UGT1A10: variants seen among roughly 807,000 people sequenced by gnomAD.
The protein encoded by UGT1A10 is UDP-glucuronosyltransferase 1A10.
In UGT1A10, 49 loss-of-function variants were observed where a neutral mutation model predicts 45.8. The observed-to-expected ratio is 1.07, with a 90% CI of 0.85 to 1.36. The LOEUF is 1.36. UGT1A10 is among the 40% of genes most tolerant of loss of function. UGT1A10 has a pLI of 0.00. For missense variants in UGT1A10, 745 were observed against 668.6 expected, an observed-to-expected ratio of 1.11 and a Z score of -1.26; for synonymous variants, 284 against 249.7, an observed-to-expected ratio of 1.14 and a Z score of -1.29.
intron 1 of UGT1A10, among the ~76,000 whole-genome samples, chr2:233,759,447 C>G (rs1697141448): frequency 1.3e-5 from 2 of 152,254 alleles, no homozygotes; most frequent in Non-Finnish European, 2.9e-5. Context: ...TAAATCCAGG[C>G]CCAGTTAGCC....
intron 1 of UGT1A10, among the ~76,000 whole-genome samples, chr2:233,644,041 C>G (rs1163030976): frequency 6.6e-6 from 1 of 152,162 alleles, no homozygotes; most frequent in Non-Finnish European, 1.5e-5. Context: ...TCGGTACTCC[C>G]TTGGCTGCTT....
At chr2:233,718,193 G>A (rs1200369383) in intron 1 of UGT1A10, among the ~76,000 whole-genome samples, 4 of 152,124 alleles carry the variant, frequency 2.6e-5, no homozygotes, top group Admixed American at 1.3e-4. Context: ...CAGCCTCCCC[G>A]GAGCTTTTTT....
intron 1 of UGT1A10, among the ~76,000 whole-genome samples, chr2:233,744,706 AC>A (rs1231946729): frequency 1.3e-5 from 2 of 151,886 alleles, no homozygotes; most frequent in Non-Finnish European, 2.9e-5. Context: ...TCCACTGTAC[AC>A]TTGTGAGAGA....
chr2:233,757,560 A>ATATATATATATATATGTG, intron 1 of UGT1A10, among the ~76,000 whole-genome samples: 1 of 123,156 alleles, frequency 8.1e-6, no homozygotes, highest in African/African-American at 3.4e-5. Flanking sequence ...ATATATATAT[A>ATATATATATATATATGTG]TGTATATATG....
intron 1 of UGT1A10, chr2:233,689,899 G>A (rs1300313020): frequency 2.2e-6 from 1 of 456,498 alleles, no homozygotes; most frequent in South Asian, 1.5e-5. Context: ...TATTTCTCAG[G>A]GCCAGGTAGG....
chr2:233,713,041 T>C (rs2076272665), intron 1 of UGT1A10: 1 of 1,614,036 alleles, frequency 6.2e-7, no homozygotes, highest in South Asian at 1.1e-5. Flanking sequence ...ACAGGACTGC[T>C]GCTTCTCCTC....
chr2:233,637,507 T>C, intron 1 of UGT1A10, 130 bp downstream of exon 1: 1 of 1,483,274 alleles, frequency 6.7e-7, no homozygotes, highest in Non-Finnish European at 8.9e-7. Context: ...TAACAAATTA[T>C]TTTGTGCGAA....
In UGT1A10 at chr2:233,769,736, T is replaced by C. The variant is rs1415322181; in HGVS notation, c.1295+1297T>C. 6.9e-6 allele frequency: 10 copies of C among 1,453,324 alleles called. No individual in the cohort carries two copies. Among genetic ancestry groups the C allele is most frequent in the Non-Finnish European group, 9.1e-6 (10 of 1,101,886 alleles). The allele number at this position is 1,453,324 out of a possible 1,614,324, so 90.0% of individuals were successfully genotyped here. A position where few individuals can be genotyped will look rare whatever the true frequency, so the allele number is the denominator to read the frequency against. The stretch of plus-strand genomic sequence containing the variant: ...TAGGCACCATGGCACACGCCTGTAG[T>C]CCCAGCCACTCTGGAGGCTAAGGCG... On this transcript the variant is annotated intron_variant, in intron 4 of 4. Coordinates refer to ENST00000344644, the MANE Select transcript of UGT1A10 (RefSeq NM_019075.4). The surrounding 1 kb of genome is among the most constrained non-coding windows in gnomAD (Gnocchi z 4.4).
At chr2:233,693,070 C>A (rs1288884840) in intron 1 of UGT1A10, 3 of 1,614,008 alleles carry the variant, frequency 1.9e-6, no homozygotes, top group Non-Finnish European at 2.5e-6. Context: ...CACTTTGGGG[C>A]ATGGTTGTAG....
At chr2:233,706,566 G>A (rs1311668869) in intron 1 of UGT1A10, among the ~76,000 whole-genome samples, 1 of 152,154 alleles carries the variant, frequency 6.6e-6, no homozygotes, top group African/African-American at 2.4e-5. Flanking sequence ...TCAAACCTTA[G>A]GGTAAGAGTG....
At chr2:233,693,316 C>T in intron 1 of UGT1A10, 2 of 1,614,156 alleles carry the variant, frequency 1.2e-6, no homozygotes, top group Non-Finnish European at 1.7e-6. Context: ...AGCGATCATT[C>T]CTAACTGCTC....
chr2:233,754,801 A>T, intron 1 of UGT1A10: 1 of 1,269,324 alleles, frequency 7.9e-7, no homozygotes, highest in Non-Finnish European at 1.1e-6. Flanking sequence ...CCTGTATCAA[A>T]AGAAGAAAAA....
At chr2:233,690,764 C>T in intron 1 of UGT1A10, 1 of 1,095,494 alleles carries the variant, frequency 9.1e-7, no homozygotes, top group Non-Finnish European at 1.1e-6. Flanking sequence ...CAGACATACA[C>T]ACACACACAC....
At chr2:233,729,142 C>T (rs757429126) in intron 1 of UGT1A10, 2 of 1,613,410 alleles carry the variant, frequency 1.2e-6, no homozygotes, top group Non-Finnish European at 1.7e-6. Context: ...CACAGGACTC[C>T]AGGTTCCCCT....
At chr2:233,712,664 G>GT (rs2076247267) in intron 1 of UGT1A10, among the ~76,000 whole-genome samples, 1 of 152,174 alleles carries the variant, frequency 6.6e-6, no homozygotes, top group African/African-American at 2.4e-5. Flanking sequence ...TAAGAGAGAA[G>GT]TAGGAGACAG....
At chr2:233,753,038 T>C (rs1254734461) in intron 1 of UGT1A10, among the ~76,000 whole-genome samples, 1 of 152,162 alleles carries the variant, frequency 6.6e-6, no homozygotes, top group Non-Finnish European at 1.5e-5. Flanking sequence ...AAAACTACCA[T>C]GAAACTGTTC....
At chr2:233,743,956 G>C in intron 1 of UGT1A10, 2 of 1,338,248 alleles carry the variant, frequency 1.5e-6, no homozygotes, top group Non-Finnish European at 2.0e-6. Flanking sequence ...CTGGCACAGC[G>C]AGCGGCAAGG....
intron 1 of UGT1A10, chr2:233,729,303 G>T: frequency 6.2e-7 from 1 of 1,614,236 alleles, no homozygotes; most frequent in South Asian, 1.1e-5. Context: ...ACCAGGCAGT[G>T]GTCCTCACCC....
chr2:233,721,291 G>C (rs2076934131), intron 1 of UGT1A10, among the ~76,000 whole-genome samples: 1 of 152,084 alleles, frequency 6.6e-6, no homozygotes, highest in East Asian at 1.9e-4. Context: ...AATTAGGAAG[G>C]CATTTGAATA....
Sources: allele counts gnomAD v4.1 joint callset (sites outside exome capture counted in the v4.1 genomes callset), GRCh38; gene constraint gnomAD v4.1.1; non-coding constraint Gnocchi (gnomAD v3.1); transcripts MANE v1.5; gene names NCBI Gene and HGNC (gene_info 2026-07-23, HGNC 2026-07-21).